Variants in ESRRG observed in about 807,000 individuals in gnomAD.
ESRRG encodes estrogen related receptor gamma, also known as estrogen-related receptor gamma.
A neutral mutation model predicts 44.0 loss-of-function variants in ESRRG; 13 were observed. The ratio of observed to expected loss-of-function variants is 0.30; its 90% CI spans 0.19 to 0.47. ESRRG has a LOEUF of 0.47. Among genes scored for constraint, ESRRG ranks in the 20% least tolerant of loss-of-function variants. The pLI is 1.00. For missense variants in ESRRG, 395 were observed against 580.6 expected (o/e 0.68, Z 3.29); for synonymous variants, 215 against 214.6 (o/e 1.00, Z -0.02).
chr1:216,958,280 T>C (rs1471180020), intron 1 of ESRRG, among the ~76,000 whole-genome samples: 1 of 152,210 alleles, frequency 6.6e-6, no homozygotes, highest in Non-Finnish European at 1.5e-5. Context: ...TTTGTTGTTC[T>C]TGAGTAAACA....
chr1:216,526,451 T>A (rs539687081), intron 5 of ESRRG, among the ~76,000 whole-genome samples: 1 of 151,948 alleles, frequency 6.6e-6, no homozygotes. Context: ...AAGGGATGCT[T>A]GAGGCCACCA....
chr1:216,734,541 C>CCCTTCA (rs1474110611), intron 2 of ESRRG, among the ~76,000 whole-genome samples: 3 of 152,114 alleles, frequency 2.0e-5, no homozygotes, highest in Admixed American at 6.6e-5. Context: ...ATGCCTCTGC[C>CCCTTCA]CCTTCACCTT....
At chr1:216,981,642 T>A (rs1474915716) in intron 1 of ESRRG, among the ~76,000 whole-genome samples, 2 of 152,112 alleles carry the variant, frequency 1.3e-5, no homozygotes, top group African/African-American at 4.8e-5. Context: ...AAATAGTTAC[T>A]TATGCTATAA....
At chr1:217,114,546 A>G (rs913114779) in intron 1 of ESRRG, among the ~76,000 whole-genome samples, 4 of 152,120 alleles carry the variant, frequency 2.6e-5, no homozygotes, top group Admixed American at 6.5e-5. Flanking sequence ...TGGTGTTACT[A>G]ATGTCTCAGA....
chr1:217,014,840 G>A (rs1280614542), intron 1 of ESRRG, among the ~76,000 whole-genome samples: 2 of 152,016 alleles, frequency 1.3e-5, no homozygotes, highest in African/African-American at 4.8e-5. Flanking sequence ...GTAGCCTCTT[G>A]GAGATTTGAG....
At chr1:216,853,635 T>C (rs536862582) in intron 2 of ESRRG, among the ~76,000 whole-genome samples, 1 of 152,194 alleles carries the variant, frequency 6.6e-6, no homozygotes, top group Non-Finnish European at 1.5e-5. Context: ...TATCCACCCA[T>C]CACATTTTAC....
At chr1:216,616,135 C>T (rs939709578) in intron 3 of ESRRG, among the ~76,000 whole-genome samples, 17 of 152,136 alleles carry the variant, frequency 1.1e-4, no homozygotes, top group East Asian at 7.7e-4. Context: ...ATACTAGGGT[C>T]GCTGTGGTGG....
At chr1:216,609,997 C>T (rs2060416845) in intron 3 of ESRRG, among the ~76,000 whole-genome samples, 2 of 152,166 alleles carry the variant, frequency 1.3e-5, no homozygotes, top group African/African-American at 4.8e-5. Context: ...TCAGTCTCCA[C>T]AAAAGTGAAG....
At chr1:217,099,363 C>T (rs566749495) in intron 1 of ESRRG, among the ~76,000 whole-genome samples, 56 of 138,032 alleles carry the variant, frequency 4.1e-4, no homozygotes, top group Admixed American at 7.2e-4. Flanking sequence ...AACAATTAGA[C>T]CTGTGAGCAG....
intron 1 of ESRRG, among the ~76,000 whole-genome samples, chr1:217,012,530 A>C (rs1345849228): frequency 6.6e-6 from 1 of 152,192 alleles, no homozygotes; most frequent in East Asian, 1.9e-4. Context: ...TACTGATAGC[A>C]AGAAAATGAC....
chr1:216,931,428 C>T lies in ESRRG; in HGVS notation c.-14+8154G>A, dbSNP rs867129647. Among the ~76,000 whole-genome samples, 6 of 152,288 alleles carry T rather than the reference C, an allele frequency of 3.9e-5. No individual in the cohort carries two copies. In the Middle Eastern group the frequency reaches 0.014, roughly 345 times the overall value. On this transcript the variant is annotated intron_variant, in intron 2 of 7. Coordinates refer to the ESRRG transcript ENST00000359162. ...TCCCTTGACCCACACTGAGAAACTG[C>T]TCCTTCCTTATTCTGGAAAATGGAC...
intron 2 of ESRRG, among the ~76,000 whole-genome samples, chr1:216,783,472 TA>T: frequency 6.6e-6 from 1 of 152,212 alleles, no homozygotes; most frequent in African/African-American, 2.4e-5. Context: ...TTAATTAAAA[TA>T]AAAAATAGCT....
Position 217,083,302 on chromosome 1 carries a change from G to A in ESRRG, c.-106+6205C>T, listed in dbSNP as rs547807377. Among the ~76,000 whole-genome samples, 7 of 152,242 alleles carry A rather than the reference G, an allele frequency of 4.6e-5. 1 individual carries two copies. The highest frequency in any genetic ancestry group is 4.2e-4 in the South Asian group (2 of 4,788). ...TCTAAATTTCATGAGGCTTTCATTC[G>A]AAACCACAGATACTGAGCTCATTTA... On this transcript the variant is annotated intron_variant, in intron 1 of 7. Transcript: ENST00000359162.
chr1:216,962,133 C>T (rs538523909), intron 1 of ESRRG, among the ~76,000 whole-genome samples: 4 of 152,010 alleles, frequency 2.6e-5, no homozygotes, highest in East Asian at 1.9e-4. Context: ...TGTTCTTATT[C>T]GAAACTATGG....
chr1:217,085,501 T>C (rs1218411250), intron 1 of ESRRG, among the ~76,000 whole-genome samples: 3 of 131,882 alleles, frequency 2.3e-5, no homozygotes, highest in African/African-American at 8.3e-5. Flanking sequence ...TTTTTTTTTT[T>C]TTTTTTTTTA....
At chr1:216,646,649 A>G (rs998604143) in intron 3 of ESRRG, among the ~76,000 whole-genome samples, 1 of 152,174 alleles carries the variant, frequency 6.6e-6, no homozygotes, top group African/African-American at 2.4e-5. Context: ...TAAGCTCTCA[A>G]CCTGCAGTAT....
At chr1:216,592,964 G>A (rs1418274835) in intron 3 of ESRRG, among the ~76,000 whole-genome samples, 4 of 152,180 alleles carry the variant, frequency 2.6e-5, no homozygotes, top group African/African-American at 9.7e-5. Flanking sequence ...AATGAGGAAG[G>A]TGAGGCAGAT....
chr1:217,114,100 G>T (rs1048106227), intron 1 of ESRRG, among the ~76,000 whole-genome samples: 4 of 151,854 alleles, frequency 2.6e-5, no homozygotes, highest in African/African-American at 9.7e-5. Context: ...TCCTTATACT[G>T]TACCACAAAA....
chr1:217,048,831 A>G (rs1424908628), intron 1 of ESRRG, among the ~76,000 whole-genome samples: 1 of 152,170 alleles, frequency 6.6e-6, no homozygotes, highest in Non-Finnish European at 1.5e-5. Context: ...CAACTCTGCA[A>G]CATACCCTGG....
Sources: allele counts gnomAD v4.1 joint callset (sites outside exome capture counted in the v4.1 genomes callset), GRCh38; gene constraint gnomAD v4.1.1; transcripts MANE v1.5; gene names NCBI Gene and HGNC (gene_info 2026-07-23, HGNC 2026-07-21).